GPR108: variants seen among roughly 807,000 people sequenced by gnomAD.
GPR108 encodes the protein protein GPR108.
Under a neutral mutation model 74.3 loss-of-function variants are expected in GPR108, and 60 were observed. The ratio of observed to expected loss-of-function variants is 0.81; its 90% CI spans 0.66 to 1.00. The LOEUF (loss-of-function observed/expected upper bound fraction) is 1.00, where lower values mean the gene tolerates loss of function less well. Ranked by LOEUF, GPR108 falls within the 50% of genes least tolerant of loss-of-function variation. The pLI, the probability that GPR108 is intolerant of heterozygous loss-of-function variation, is 0.00. For synonymous variants in GPR108, 311 were observed against 292.4 expected (o/e 1.06, Z -0.65); for missense variants, 667 against 703.3 (o/e 0.95, Z 0.58).
At position 6,735,970 on chromosome 19, in the gene GPR108, A is replaced by G. The variant is rs558697333; in HGVS notation, c.241-12T>C. The G allele has an allele frequency of 1.4e-5, 22 of 1,577,646 alleles. No individual in the cohort carries two copies. Among genetic ancestry groups the G allele is most frequent in the African/African-American group, 1.4e-4 (10 of 73,804 alleles). On this transcript the variant is annotated splice_polypyrimidine_tract_variant and intron_variant, in intron 2 of 17. Coordinates refer to ENST00000264080, the MANE Select transcript of GPR108 (RefSeq NM_001080452.2). ...AGACTGAACCCCACCTGGTGGGTGG[A>G]AAAAAAAAGGGGAGGGTGTGAGGGA...
chr19:6,731,978 GC>G, intron 13 of GPR108, 44 bp from the exon 14 acceptor site: 1 of 1,613,358 alleles, frequency 6.2e-7, no homozygotes. Context: ...CGCGGACATC[GC>G]CCATGTGCAC....
chr19:6,732,231 C>A (rs765795455), intron 12 of GPR108, 32 bp downstream of exon 12: 2 of 1,611,382 alleles, frequency 1.2e-6, no homozygotes, highest in Non-Finnish European at 1.7e-6. Flanking sequence ...GCAGCCCTCC[C>A]CGCCCTGCTC....
intron 3 of GPR108, 50 bp downstream of exon 3, chr19:6,735,858 A>G: frequency 6.3e-7 from 1 of 1,579,204 alleles, no homozygotes; most frequent in Non-Finnish European, 8.6e-7. Flanking sequence ...GACAGACCCT[A>G]CCCCCTCCCT....
chr19:6,736,279 A>G (rs1968629120), intron 2 of GPR108, among the ~76,000 whole-genome samples: 1 of 152,150 alleles, frequency 6.6e-6, no homozygotes, highest in South Asian at 2.1e-4. Flanking sequence ...AACTTTTTGT[A>G]GAGACGGGGT....
rs1276742092 is a variant in GPR108, at chr19:6,734,326, G to A, written c.375-19C>T. 1 of 1,609,750 alleles carries A rather than the reference G, an allele frequency of 6.2e-7. No homozygotes were observed. Among genetic ancestry groups the A allele is most frequent in the Non-Finnish European group, 8.5e-7 (1 of 1,178,498 alleles). On this transcript the variant is annotated intron_variant, in intron 4 of 17. Coordinates refer to ENST00000264080, the MANE Select transcript of GPR108 (RefSeq NM_001080452.2). The stretch of plus-strand genomic sequence containing the variant: ...CTGGACCCTGGGGTGAGGGTGGGGT[G>A]GGGCATGAGGCTGGGGGGCTGAACT...
At chr19:6,736,971 C>T (rs1568242446) in intron 1 of GPR108, 1 of 497,672 alleles carries the variant, frequency 2.0e-6, no homozygotes, top group South Asian at 2.4e-5. Flanking sequence ...TGAGCACCGC[C>T]CGGAGAACAG....
At chr19:6,734,663 AC>A (rs1968557640) in intron 4 of GPR108, among the ~76,000 whole-genome samples, 1 of 152,012 alleles carries the variant, frequency 6.6e-6, no homozygotes, top group Admixed American at 6.6e-5. Flanking sequence ...CACCTCAGCC[AC>A]AGGAGCAGAT....
At chr19:6,736,140 G>A (rs1472149748) in intron 2 of GPR108, among the ~76,000 whole-genome samples, 182 bp from the exon 3 acceptor site, 1 of 152,142 alleles carries the variant, frequency 6.6e-6, no homozygotes, top group East Asian at 1.9e-4. Flanking sequence ...TGTTTCTCAA[G>A]CTGGAATACA....
At position 6,732,371 on chromosome 19, in the gene GPR108, G is replaced by A. The variant is rs191033811; in HGVS notation, c.1017C>T (p.Gly339=). The A allele has an allele frequency of 1.6e-4, 256 of 1,613,442 alleles. 3 individuals carry two copies. In the African/African-American group the frequency reaches 2.1e-3, roughly 13 times the overall value. ...GGGCGATGGTGATGAAGAGGAGGGC[G>A]CCCTTCAGCCTGAAGGAGCAGGGGA... is the stretch of plus-strand genomic sequence containing the variant. ...VMYYIAHLLK[G]ALLFITIALI... Residue 339 remains glycine, a synonymous_variant, in exon 12 of 18, where the codon GGC becomes GGT. Coordinates refer to ENST00000264080, the MANE Select transcript of GPR108 (RefSeq NM_001080452.2).
rs538175556 is a variant in GPR108, at chr19:6,731,859, T to G, written c.1300+32A>C. 1.5e-5 allele frequency: 24 copies of G among 1,609,856 alleles called. No individual in the cohort carries two copies. In the African/African-American group the frequency reaches 3.1e-4, roughly 21 times the overall value. On this transcript the variant is annotated intron_variant, in intron 14 of 17. Coordinates refer to ENST00000264080, the MANE Select transcript of GPR108 (RefSeq NM_001080452.2). Reference sequence around the variant, plus strand: ...AGGGCCCGGAGGAGGAATGGGGCCATGAGCAGAGGGCCTGCAGGCGCAGGG... The same window carrying G: ...AGGGCCCGGAGGAGGAATGGGGCCAGGAGCAGAGGGCCTGCAGGCGCAGGG...
rs2012357 is a variant in GPR108 at position 6,732,971 on chromosome 19, G to A, written c.933+16C>T. ...TTCAGCCCACCCCCCGCTGCTCCCC[G>A]GTCCAAGGCTCTCACGCTGTGGAAG... On this transcript the variant is annotated intron_variant, in intron 10 of 17. Transcript: ENST00000264080. 0.45 allele frequency: 711,073 copies of A among 1,565,890 alleles called. 164,672 individuals are homozygous for A. The highest frequency in any genetic ancestry group is 0.75 in the East Asian group (31,671 of 42,456).
intron 5 of GPR108, 29 bp from the exon 6 acceptor site, chr19:6,734,083 AGATG>A (rs747853655): frequency 6.2e-7 from 1 of 1,612,330 alleles, no homozygotes; most frequent in Non-Finnish European, 8.5e-7. Context: ...TGATTTTAAG[AGATG>A]GATGGATGGA....
Position 6,732,978 on chromosome 19 carries a change from G to A in GPR108, c.933+9C>T. 1 of 1,581,364 alleles carries A rather than the reference G, an allele frequency of 6.3e-7. No homozygotes were observed. The highest frequency in any genetic ancestry group is 1.3e-5 in the African/African-American group (1 of 74,438). ...CACCCCCCGCTGCTCCCCGGTCCAA[G>A]GCTCTCACGCTGTGGAAGAGGAGAG... On this transcript the variant is annotated intron_variant, in intron 10 of 17. Transcript: ENST00000264080.
In GPR108 at chr19:6,737,524, C is replaced by CAA. The variant is rs1968690211; in HGVS notation, c.52_53insTT (p.Gly18ValfsTer23). On this transcript the variant is annotated frameshift_variant, in exon 1 of 18. Coordinates refer to ENST00000264080, the MANE Select transcript of GPR108 (RefSeq NM_001080452.2). LOFTEE classifies it high-confidence loss of function. ...CAGCAGCACCAGAAGTAGCCGCTGC[C>CAA]CCCACTCCGCGGGGCTCCCGCGGCC... The CAA allele has an allele frequency of 6.4e-7, 1 of 1,570,266 alleles. No individual in the cohort carries two copies. Among genetic ancestry groups the CAA allele is most frequent in the African/African-American group, 1.4e-5 (1 of 72,474 alleles).
chr19:6,737,469 CT>C lies in GPR108; in HGVS notation c.107del (p.Gln36ArgfsTer4), dbSNP rs1302663128. ...CGGCGGGCCTCACCGTCAGCGCCAG[CT>C]GGTGGATGCGCCCGGAGCAGCCACC... is the stretch of plus-strand genomic sequence containing the variant. The part of the protein sequence containing the change: ...LLGGCSGRIH[Q>X]LALTGEKRAD... On this transcript the variant is annotated frameshift_variant, in exon 1 of 18. Transcript: ENST00000264080. LOFTEE classifies it high-confidence loss of function. 2 of 1,587,942 alleles carry C rather than the reference CT, an allele frequency of 1.3e-6. No individual in the cohort carries two copies. The highest frequency in any genetic ancestry group is 1.4e-5 in the African/African-American group (1 of 73,164).
At chr19:6,737,102 CTA>C in intron 1 of GPR108, 2 of 390,960 alleles carry the variant, frequency 5.1e-6, no homozygotes, top group South Asian at 6.2e-5. Context: ...GGACCCCACT[CTA>C]TAGCCCCCCA....
In GPR108 at chr19:6,730,253, AG is replaced by A; in HGVS notation, c.*58del. ...ACCTCCCCACATACGCTGTGGAAGA[AG>A]GGCAGGAGTGAGAAATGCTGGGGGA... is the stretch of plus-strand genomic sequence containing the variant. On this transcript the variant is annotated 3_prime_UTR_variant, in exon 18 of 18. Coordinates refer to ENST00000264080, the MANE Select transcript of GPR108 (RefSeq NM_001080452.2). 6.7e-7 allele frequency: 1 copy of A among 1,483,096 alleles called. No individual in the cohort carries two copies. The highest frequency in any genetic ancestry group is 9.4e-7 in the Non-Finnish European group (1 of 1,060,734). 91.9% of individuals were successfully genotyped at this position (1,483,096 alleles called of 1,614,324 possible). A position where few individuals can be genotyped will look rare whatever the true frequency, so the allele number is the denominator to read the frequency against.
chr19:6,737,042 C>A lies in GPR108; in HGVS notation c.121-331G>T, dbSNP rs80174984. On this transcript the variant is annotated intron_variant, in intron 1 of 17. Transcript: ENST00000264080. ...GAAGAACTTTTACATTCCAGTTGAG[C>A]TCCCAGCAATATTTCAACAGAACCC... 2.9e-3 allele frequency: 1,169 copies of A among 409,686 alleles called. 12 individuals are homozygous for A. Among genetic ancestry groups the A allele is most frequent in the African/African-American group, 0.022 (1,112 of 50,136 alleles). 25.4% of individuals were successfully genotyped at this position (409,686 alleles called of 1,614,324 possible).
intron 2 of GPR108, 86 bp downstream of exon 2, chr19:6,736,506 A>G: frequency 7.3e-7 from 1 of 1,369,016 alleles, no homozygotes; most frequent in South Asian, 1.3e-5. Flanking sequence ...CTTGTACAAG[A>G]TCACATGGGT....
Sources: gnomAD v4.1 joint callset for allele counts (sites outside exome capture counted in the v4.1 genomes callset) on GRCh38, gnomAD v4.1.1 for gene constraint, MANE v1.5 for transcripts, NCBI Gene and HGNC (gene_info 2026-07-23, HGNC 2026-07-21) for gene names.